The following LRBA variants were observed in gnomAD, a reference collection of about 807,000 sequenced individuals.
LRBA encodes the protein lipopolysaccharide-responsive and beige-like anchor protein.
A neutral mutation model predicts 330.0 loss-of-function variants in LRBA; 176 were observed. The observed-to-expected ratio is 0.53, with a 90% CI of 0.47 to 0.60. The LOEUF (loss-of-function observed/expected upper bound fraction) is 0.60, where lower values mean the gene tolerates loss of function less well. Among genes scored for constraint, LRBA ranks in the 20% least tolerant of loss-of-function variants. The probability of loss-of-function intolerance (pLI) is 0.00; values close to 1 mark genes in which losing one functional copy is unlikely to be tolerated. For missense variants in LRBA, 3,259 were observed against 3,444.8 expected, an observed-to-expected ratio of 0.95 and a Z score of 1.35; for synonymous variants, 1,230 against 1,193.0, an observed-to-expected ratio of 1.03 and a Z score of -0.64.
chr4:150,293,620 G>A (rs1183535163), intron 53 of LRBA, among the ~76,000 whole-genome samples: 2 of 152,206 alleles, frequency 1.3e-5, no homozygotes, highest in Non-Finnish European at 2.9e-5. Flanking sequence ...TTGGTACAAA[G>A]AACAACTGTA....
At chr4:150,828,131 C>T in intron 30 of LRBA, 49 bp downstream of exon 30, 1 of 1,558,302 alleles carries the variant, frequency 6.4e-7, no homozygotes. Flanking sequence ...CCATGTTGTT[C>T]AAGGGTCAGA....
chr4:150,975,673 A>G lies in LRBA; in HGVS notation c.216+38754T>C, dbSNP rs187471338. On this transcript the variant is annotated intron_variant, in intron 2 of 56. Transcript: ENST00000651943. ...TTAAGAAATTATTTAAGAAGTAAAA[A>G]CCTATTAAGCCTAGATGGGCACATT... Among the ~76,000 whole-genome samples the G allele has an allele frequency of 2.8e-4, 42 of 152,250 alleles. 1 individual carries two copies. Among genetic ancestry groups the G allele is most frequent in the African/African-American group, 9.6e-4 (40 of 41,584 alleles).
chr4:150,646,964 A>G (rs544460868), intron 37 of LRBA, among the ~76,000 whole-genome samples: 1 of 152,250 alleles, frequency 6.6e-6, no homozygotes, highest in East Asian at 1.9e-4. Flanking sequence ...AGAGATATTC[A>G]GTGTGTATGT....
intron 41 of LRBA, among the ~76,000 whole-genome samples, chr4:150,488,266 CAACT>C (rs1758127488): frequency 6.6e-6 from 1 of 151,650 alleles, no homozygotes; most frequent in Admixed American, 6.6e-5. Context: ...TGTAGTTAAA[CAACT>C]AACACTAAAA....
intron 38 of LRBA, among the ~76,000 whole-genome samples, chr4:150,592,383 C>A (rs1459152333): frequency 6.8e-6 from 1 of 147,940 alleles, no homozygotes; most frequent in Non-Finnish European, 1.5e-5. Flanking sequence ...TTTTTTTTTT[C>A]TCATATTTAT....
At chr4:150,422,783 C>T in intron 46 of LRBA, 1 of 1,443,176 alleles carries the variant, frequency 6.9e-7, no homozygotes, top group African/African-American at 1.4e-5. Flanking sequence ...ACTGTTCTTT[C>T]TGGTAGACCT....
chr4:150,810,676 A>G (rs1215819298), intron 31 of LRBA, among the ~76,000 whole-genome samples: 1 of 152,170 alleles, frequency 6.6e-6, no homozygotes, highest in Non-Finnish European at 1.5e-5. Context: ...ATCAGAGCTC[A>G]CTGCAGCCTT....
At chr4:150,738,210 T>C (rs1202924541) in intron 35 of LRBA, among the ~76,000 whole-genome samples, 3 of 151,962 alleles carry the variant, frequency 2.0e-5, no homozygotes, top group Admixed American at 2.0e-4. Context: ...AGGGTGGTCT[T>C]GAACTCCTGA....
chr4:150,481,250 A>C lies in LRBA; in HGVS notation c.6551+6482T>G, dbSNP rs550575741. On this transcript the variant is annotated intron_variant, in intron 42 of 56. Coordinates refer to ENST00000651943, the MANE Select transcript of LRBA (RefSeq NM_001364905.1). Reference sequence around the variant, plus strand: ...CTTATCCACTTATCTGTTGCTGAACACCACTGATTCCATCTCTTTGCTAGT... The same window carrying C: ...CTTATCCACTTATCTGTTGCTGAACCCCACTGATTCCATCTCTTTGCTAGT... Among the ~76,000 whole-genome samples, 12 of 152,194 alleles carry C rather than the reference A, an allele frequency of 7.9e-5. No homozygotes were observed. The South Asian group carries it at 2.1e-3, about 26-fold the overall frequency.
chr4:150,313,718 A>G (rs1357434761), intron 51 of LRBA, among the ~76,000 whole-genome samples: 1 of 151,812 alleles, frequency 6.6e-6, no homozygotes, highest in Non-Finnish European at 1.5e-5. Flanking sequence ...TGGGACCAGA[A>G]GTGTTTTAGA....
chr4:150,336,390 A>C (rs1214745425), intron 48 of LRBA, among the ~76,000 whole-genome samples: 1 of 152,220 alleles, frequency 6.6e-6, no homozygotes, highest in Non-Finnish European at 1.5e-5. Flanking sequence ...AGTATTAATT[A>C]AATACAAACT....
chr4:150,655,891 A>G (rs1296236004), intron 37 of LRBA, among the ~76,000 whole-genome samples: 1 of 152,204 alleles, frequency 6.6e-6, no homozygotes, highest in Admixed American at 6.5e-5. Context: ...CAAAGGTTCT[A>G]TATTACTGTA....
rs1757120977 is a variant in LRBA, at chr4:150,479,991, A to G, written c.6551+7741T>C. Among the ~76,000 whole-genome samples the G allele has an allele frequency of 3.9e-5, 6 of 152,318 alleles. No individual in the cohort carries two copies. In the South Asian group the frequency reaches 1.2e-3, roughly 32 times the overall value. ...GGATACTTAAAATTTAAAAATAAAC[A>G]CTGATCAAAAGTAGCTCAATTCAAT... is the stretch of plus-strand genomic sequence containing the variant. On this transcript the variant is annotated intron_variant, in intron 42 of 56. Coordinates refer to ENST00000651943, the MANE Select transcript of LRBA (RefSeq NM_001364905.1).
At chr4:151,004,554 A>T (rs1215333480) in intron 2 of LRBA, among the ~76,000 whole-genome samples, 2 of 152,234 alleles carry the variant, frequency 1.3e-5, no homozygotes, top group African/African-American at 4.8e-5. Flanking sequence ...ATATTCTCAG[A>T]CCATGGTTAA....
chr4:150,665,780 A>G, intron 37 of LRBA, among the ~76,000 whole-genome samples: 1 of 152,168 alleles, frequency 6.6e-6, no homozygotes, highest in East Asian at 1.9e-4. Flanking sequence ...TACCACAGAT[A>G]TTTTCATCTG....
At chr4:150,534,744 ATC>A (rs1764459842) in intron 40 of LRBA, among the ~76,000 whole-genome samples, 1 of 152,192 alleles carries the variant, frequency 6.6e-6, no homozygotes, top group African/African-American at 2.4e-5. Flanking sequence ...TTGGAAAGGA[ATC>A]AATCAATAAG....
At chr4:150,546,800 T>G (rs79935444) in intron 40 of LRBA, among the ~76,000 whole-genome samples, 1 of 152,172 alleles carries the variant, frequency 6.6e-6, no homozygotes, top group African/African-American at 2.4e-5. Context: ...AAAGGTGATA[T>G]AGTAGAACAA....
chr4:150,693,052 A>G (rs1784279102), intron 36 of LRBA, among the ~76,000 whole-genome samples: 1 of 152,212 alleles, frequency 6.6e-6, no homozygotes, highest in Non-Finnish European at 1.5e-5. Flanking sequence ...AATGGTCTAC[A>G]TATTCGGAAT....
intron 34 of LRBA, among the ~76,000 whole-genome samples, chr4:150,784,803 T>C (rs747211067): frequency 2.6e-4 from 39 of 152,168 alleles, no homozygotes; most frequent in Non-Finnish European, 5.3e-4. Flanking sequence ...TAAACTGGCA[T>C]GAGGATCAAG....
Sources: allele counts gnomAD v4.1 joint callset (sites outside exome capture counted in the v4.1 genomes callset), GRCh38; gene constraint gnomAD v4.1.1; transcripts MANE v1.5; gene names NCBI Gene and HGNC (gene_info 2026-07-23, HGNC 2026-07-21).